Variants in POLM observed in about 807,000 individuals in gnomAD.
The protein encoded by POLM is DNA-directed DNA/RNA polymerase mu.
POLM carries 52 observed loss-of-function variants against 56.7 expected under a neutral mutation model. The observed-to-expected ratio is 0.92, with a 90% CI of 0.73 to 1.15. POLM has a LOEUF of 1.15. Among genes scored for constraint, POLM ranks in the 50% most tolerant of loss-of-function variants. The pLI is 0.00. For missense variants in POLM, 660 were observed against 663.6 expected (o/e 0.99, Z 0.06); for synonymous variants, 273 against 274.3 (o/e 1.00, Z 0.05).
chr7:44,077,880 C>A (rs1300787011), intron 5 of POLM, among the ~76,000 whole-genome samples: 3 of 152,214 alleles, frequency 2.0e-5, no homozygotes, highest in African/African-American at 7.2e-5. Flanking sequence ...CGCTGTGACA[C>A]CTCCAGCCAC....
chr7:44,082,137 A>T (rs1170828132), intron 1 of POLM, 114 bp downstream of exon 1: 1 of 878,778 alleles, frequency 1.1e-6, no homozygotes, highest in African/African-American at 1.8e-5. Flanking sequence ...CCCTTTACAG[A>T]AGAGGAGATG....
At chr7:44,076,736 G>C (rs1586018124) in intron 5 of POLM, 107 bp from the exon 6 acceptor site, 1 of 1,441,076 alleles carries the variant, frequency 6.9e-7, no homozygotes, top group South Asian at 1.2e-5. Context: ...CACCAGGCAG[G>C]CGCCGTCCCC....
At chr7:44,078,647 G>T in intron 5 of POLM, 93 bp downstream of exon 5, 1 of 1,158,024 alleles carries the variant, frequency 8.6e-7, no homozygotes, top group Non-Finnish European at 1.3e-6. Flanking sequence ...TGGGTCAGCT[G>T]CCCCTGTTTG....
chr7:44,081,443 C>T (rs571761992), intron 1 of POLM, among the ~76,000 whole-genome samples: 8 of 152,338 alleles, frequency 5.3e-5, no homozygotes, highest in African/African-American at 1.4e-4. Context: ...GTGGGTCTGG[C>T]GCACTACTGA....
intron 1 of POLM, among the ~76,000 whole-genome samples, chr7:44,081,467 T>C (rs1298843585): frequency 6.6e-6 from 1 of 152,222 alleles, no homozygotes; most frequent in African/African-American, 2.4e-5. Flanking sequence ...CTGGTAATGT[T>C]AAAAAATCAA....
chr7:44,076,568 A>G lies in POLM; in HGVS notation c.776T>C (p.Leu259Pro), dbSNP rs1409559896. Residue 259 changes from leucine (L) to proline (P), a missense_variant, in exon 6 of 11, where the codon CTG becomes CCG. Transcript: ENST00000242248. ...KTADRWYREG[L>P]RTLDDLREQP... is the part of the protein sequence containing the mutation. The stretch of plus-strand genomic sequence containing the variant: ...CTCTCGGAGGTCATCTAAGGTTCGC[A>G]GTCCTTCCCGGTACCACCGGTCAGC... The G allele has an allele frequency of 1.2e-6, 2 of 1,614,030 alleles. No individual in the cohort carries two copies. The highest frequency in any genetic ancestry group is 1.7e-6 in the Non-Finnish European group (2 of 1,180,002).
Position 44,082,337 on chromosome 7 carries a change from C to G in POLM, c.102G>C (p.Leu34=). The stretch of plus-strand genomic sequence containing the variant: ...GGCTGCGACCCATGCGAGGCTCGAC[C>G]AGGTAGATGGCGACTCCCGGGAAGC... ...STRFPGVAIY[L]VEPRMGRSRR... is the part of the protein sequence containing the mutation. Residue 34 remains leucine, a synonymous_variant, in exon 1 of 11, where the codon CTG becomes CTC. Transcript: ENST00000242248. The G allele has an allele frequency of 6.4e-7, 1 of 1,559,468 alleles. No individual in the cohort carries two copies. Among genetic ancestry groups the G allele is most frequent in the Non-Finnish European group, 8.6e-7 (1 of 1,159,940 alleles).
chr7:44,082,476 A>G lies in POLM; in HGVS notation c.-38T>C, dbSNP rs1247975098. ...CTCCAGCAGCGCGGAGCGAACGCAGAGGGAAACTCCGAGCGAGACGGAAGG... is the reference window on the plus strand; with the variant it reads ...CTCCAGCAGCGCGGAGCGAACGCAGGGGGAAACTCCGAGCGAGACGGAAGG... On this transcript the variant is annotated 5_prime_UTR_variant, in exon 1 of 11. Transcript: ENST00000242248. 3 of 1,004,240 alleles carry G rather than the reference A, an allele frequency of 3.0e-6. No homozygotes were observed. Among genetic ancestry groups the G allele is most frequent in the Non-Finnish European group, 3.6e-6 (3 of 835,580 alleles). 62.2% of individuals were successfully genotyped at this position (1,004,240 alleles called of 1,614,324 possible).
At chr7:44,073,434 C>T (rs900752234) in intron 10 of POLM, 57 bp from the exon 11 acceptor site, 5 of 1,594,970 alleles carry the variant, frequency 3.1e-6, no homozygotes, top group African/African-American at 2.7e-5. Context: ...TGCTTCCCTG[C>T]AGGAAGACTG....
rs1475607219 is a variant in POLM, at chr7:44,079,730, C to T, written c.483G>A (p.Glu161=). The T allele has an allele frequency of 6.2e-7, 1 of 1,609,322 alleles. No individual in the cohort carries two copies. The highest frequency in any genetic ancestry group is 1.7e-5 in the Admixed American group (1 of 59,770). Residue 161 remains glutamate (E), a synonymous_variant, in exon 4 of 11, where the codon GAG becomes GAA. Transcript: ENST00000242248. The part of the protein sequence containing the change: ...HHNTGLSEAL[E]ILAEAAGFEG... Reference sequence around the variant, plus strand: ...CAAAGCCTGCTGCCTCGGCCAGTATCTCCAGAGCCTCCTGCAGGGAGGGGC... The same window carrying T: ...CAAAGCCTGCTGCCTCGGCCAGTATTTCCAGAGCCTCCTGCAGGGAGGGGC...
chr7:44,073,282 C>G lies in POLM; in HGVS notation c.*9G>C. 1 of 1,614,212 alleles carries G rather than the reference C, an allele frequency of 6.2e-7. No homozygotes were observed. Among genetic ancestry groups the G allele is most frequent in the Non-Finnish European group, 8.5e-7 (1 of 1,180,018 alleles). On this transcript the variant is annotated 3_prime_UTR_variant, in exon 11 of 11. Coordinates refer to ENST00000242248, the MANE Select transcript of POLM (RefSeq NM_013284.4). Reference sequence around the variant, plus strand: ...ATTTCCTGAGTGGAAGTGGGGGACACAGGCAGGCTCAGGCGTTTCTCTGCT... The same window carrying G: ...ATTTCCTGAGTGGAAGTGGGGGACAGAGGCAGGCTCAGGCGTTTCTCTGCT...
At position 44,074,014 on chromosome 7, in the gene POLM, C is replaced by T; in HGVS notation, c.1083G>A (p.Leu361=). 6.2e-7 allele frequency: 1 copy of T among 1,613,862 alleles called. No homozygotes were observed. Among genetic ancestry groups the T allele is most frequent in the Non-Finnish European group, 8.5e-7 (1 of 1,179,992 alleles). Residue 361 remains leucine, a synonymous_variant, in exon 9 of 11, where the codon CTG becomes CTA. Transcript: ENST00000242248. ...AGCAGCTGTGCTGGTGCTGGTGGTA[C>T]AGGATGAGGCCCTGTGGGGAGAGGC... is the stretch of plus-strand genomic sequence containing the variant. ...MCRLQDQGLI[L]YHQHQHSCCE...
rs1023803158 is a variant in POLM, at chr7:44,072,282, T to C, written c.*1009A>G. ...GTTTTCAAAATATTTTTTAATGTGA[T>C]GAGTGGTCTGGGAAATCCTCGCCTA... is the stretch of plus-strand genomic sequence containing the variant. On this transcript the variant is annotated 3_prime_UTR_variant, in exon 11 of 11. Coordinates refer to ENST00000242248, the MANE Select transcript of POLM (RefSeq NM_013284.4). 1 of 152,248 alleles carries C rather than the reference T, an allele frequency of 6.6e-6. No homozygotes were observed. The highest frequency in any genetic ancestry group is 1.5e-5 in the Non-Finnish European group (1 of 68,056). The allele number at this position is 152,248 out of a possible 1,614,324, so 9.4% of individuals were successfully genotyped here.
chr7:44,075,595 G>C (rs1422462156), intron 6 of POLM: 1 of 152,394 alleles, frequency 6.6e-6, no homozygotes, highest in Non-Finnish European at 1.5e-5. Context: ...CTCAACCCAA[G>C]GGAGGTCCCA....
chr7:44,076,802 C>G (rs978138625), intron 5 of POLM, 173 bp from the exon 6 acceptor site: 3 of 735,564 alleles, frequency 4.1e-6, no homozygotes, highest in Non-Finnish European at 6.5e-6. Flanking sequence ...GCCTGACTAC[C>G]CAGCCTGCCG....
chr7:44,074,689 C>T (rs981415019), intron 6 of POLM, among the ~76,000 whole-genome samples, 159 bp from the exon 7 acceptor site: 38 of 152,216 alleles, frequency 2.5e-4, no homozygotes, highest in Middle Eastern at 3.2e-3. Context: ...AGAGTGAGAT[C>T]CCAATCTAAG....
rs1381261047 is a variant in POLM, at chr7:44,072,532, T to C, written c.*759A>G. On this transcript the variant is annotated 3_prime_UTR_variant, in exon 11 of 11. Coordinates refer to ENST00000242248, the MANE Select transcript of POLM (RefSeq NM_013284.4). The stretch of plus-strand genomic sequence containing the variant: ...ATAGGAAGCCGGTGAGTCAAGCAGC[T>C]CGGGGCCAGTGGGGCTGGAGAGATG... The C allele has an allele frequency of 6.6e-6, 1 of 152,274 alleles. No homozygotes were observed. Among genetic ancestry groups the C allele is most frequent in the Admixed American group, 6.5e-5 (1 of 15,270 alleles). The allele number at this position is 152,274 out of a possible 1,614,324, so 9.4% of individuals were successfully genotyped here. A position where few individuals can be genotyped will look rare whatever the true frequency, so the allele number is the denominator to read the frequency against.
intron 3 of POLM, 41 bp from the exon 4 acceptor site, chr7:44,079,782 TCCAATCCCCC>T: frequency 6.2e-7 from 1 of 1,610,562 alleles, no homozygotes; most frequent in East Asian, 2.2e-5. Flanking sequence ...GGTGGGCAGC[TCCAATCCCCC>T]ACCTACCACC....
chr7:44,082,281 G>C lies in POLM; in HGVS notation c.158C>G (p.Ser53Cys). ...GGCGTCAAGGACGCGGAAGCCTTTGGAGCGCGCCAGGCCTGTGAGGAAGGC... is the reference window on the plus strand; with the variant it reads ...GGCGTCAAGGACGCGGAAGCCTTTGCAGCGCGCCAGGCCTGTGAGGAAGGC... ...RRAFLTGLARSKGFRVLDACS... is the reference protein window; with the variant it reads ...RRAFLTGLARCKGFRVLDACS... The change falls in exon 1 of 11, where the codon TCC (serine) becomes TGC (cysteine). Residue 53 changes from serine to cysteine, a missense_variant. Coordinates refer to ENST00000242248, the MANE Select transcript of POLM (RefSeq NM_013284.4). 2.6e-6 allele frequency: 4 copies of C among 1,529,740 alleles called. No homozygotes were observed. The highest frequency in any genetic ancestry group is 3.5e-6 in the Non-Finnish European group (4 of 1,146,434). 94.8% of individuals were successfully genotyped at this position (1,529,740 alleles called of 1,614,324 possible). A position where few individuals can be genotyped will look rare whatever the true frequency, so the allele number is the denominator to read the frequency against.
Sources: allele counts gnomAD v4.1 joint callset (sites outside exome capture counted in the v4.1 genomes callset), GRCh38; gene constraint gnomAD v4.1.1; transcripts MANE v1.5; gene names NCBI Gene and HGNC (gene_info 2026-07-23, HGNC 2026-07-21).